The following ZNF385B variants were observed in gnomAD, a reference collection of about 807,000 sequenced individuals.
ZNF385B encodes the protein zinc finger protein 533.
ZNF385B carries 23 observed loss-of-function variants against 39.2 expected under a neutral mutation model. The ratio of observed to expected loss-of-function variants is 0.59; its 90% CI spans 0.42 to 0.83. The LOEUF (loss-of-function observed/expected upper bound fraction) is 0.83. ZNF385B is among the 40% of genes least tolerant of loss of function. The probability of loss-of-function intolerance (pLI) is 0.00; values close to 1 mark genes in which losing one functional copy is unlikely to be tolerated. For synonymous variants in ZNF385B, 205 were observed against 222.6 expected, an observed-to-expected ratio of 0.92 and a Z score of 0.70; for missense variants, 552 against 598.9, an observed-to-expected ratio of 0.92 and a Z score of 0.82.
chr2:179,856,412 C>A (rs1219117859), intron 1 of ZNF385B, among the ~76,000 whole-genome samples: 1 of 151,948 alleles, frequency 6.6e-6, no homozygotes, highest in African/African-American at 2.4e-5. Flanking sequence ...CAGGAAGTAA[C>A]CCACGCCCTT....
At chr2:179,724,173 G>A (rs1700863194) in intron 3 of ZNF385B, among the ~76,000 whole-genome samples, 1 of 152,094 alleles carries the variant, frequency 6.6e-6, no homozygotes, top group Non-Finnish European at 1.5e-5. Flanking sequence ...ACCGGGCATG[G>A]TGGCGGGCGC....
chr2:179,496,125 C>T (rs954335452), intron 5 of ZNF385B, among the ~76,000 whole-genome samples: 1 of 151,974 alleles, frequency 6.6e-6, no homozygotes, highest in Non-Finnish European at 1.5e-5. Flanking sequence ...ATAAATTTAA[C>T]AAAGAGACTG....
chr2:179,679,539 C>T (rs1487358070), intron 3 of ZNF385B, among the ~76,000 whole-genome samples: 1 of 152,156 alleles, frequency 6.6e-6, no homozygotes, highest in Non-Finnish European at 1.5e-5. Context: ...TAATGGTAAT[C>T]ATTCTGAGCT....
chr2:179,518,495 A>G (rs2058249534), intron 5 of ZNF385B, 33 bp downstream of exon 5: 1 of 1,456,760 alleles, frequency 6.9e-7, no homozygotes. Flanking sequence ...AGCTCTGACA[A>G]ACTACAGAGA....
intron 3 of ZNF385B, among the ~76,000 whole-genome samples, chr2:179,682,883 T>C (rs13416735): frequency 0.21 from 31,351 of 152,092 alleles, 3,334 homozygotes; most frequent in Middle Eastern, 0.23. Flanking sequence ...GGGTTCCTGG[T>C]CAGGAAGCAC....
At chr2:179,797,612 T>G (rs1168540426) in intron 1 of ZNF385B, among the ~76,000 whole-genome samples, 1 of 152,226 alleles carries the variant, frequency 6.6e-6, no homozygotes, top group Non-Finnish European at 1.5e-5. Context: ...AATTTATTTG[T>G]GAAAGAAACC....
At chr2:179,475,456 T>G (rs527385284) in intron 6 of ZNF385B, among the ~76,000 whole-genome samples, 66 of 151,958 alleles carry the variant, frequency 4.3e-4, no homozygotes, top group African/African-American at 1.4e-3. Context: ...TTCACCACAT[T>G]GGCCAGGCTG....
intron 3 of ZNF385B, among the ~76,000 whole-genome samples, chr2:179,723,775 T>C (rs572698294): frequency 1.3e-5 from 2 of 152,184 alleles, no homozygotes; most frequent in African/African-American, 2.4e-5. Context: ...TTTTCAAAGC[T>C]ACGTAAGTTT....
chr2:179,713,389 AC>A (rs946622638), intron 3 of ZNF385B, among the ~76,000 whole-genome samples: 3 of 152,066 alleles, frequency 2.0e-5, no homozygotes, highest in Non-Finnish European at 4.4e-5. Flanking sequence ...ACATCATCAC[AC>A]TTTCTCCTTC....
At chr2:179,784,448 A>T (rs538366232) in intron 1 of ZNF385B, among the ~76,000 whole-genome samples, 43 of 152,082 alleles carry the variant, frequency 2.8e-4, no homozygotes, top group African/African-American at 1.0e-3. Context: ...ATACTTTCAC[A>T]TGTACCCTCG....
chr2:179,776,308 AG>A lies in ZNF385B; in HGVS notation c.-154-5637del, dbSNP rs1704312519. 2.6e-5 allele frequency among the ~76,000 whole-genome samples: 4 copies of A among 152,294 alleles called. No homozygotes were observed. The South Asian group carries it at 8.3e-4, about 32-fold the overall frequency. On this transcript the variant is annotated intron_variant, in intron 1 of 9. Transcript: ENST00000410066. ...GAGACTATGACTGTCTCTGGGCCTG[AG>A]GGAACAGGAGGCCTAGGATCTAGAC...
At chr2:179,678,387 C>T (rs1575203485) in intron 3 of ZNF385B, among the ~76,000 whole-genome samples, 2 of 152,274 alleles carry the variant, frequency 1.3e-5, no homozygotes, top group African/African-American at 4.8e-5. Flanking sequence ...GGCAAGTGTG[C>T]CATGTGACAA....
At chr2:179,673,665 G>A (rs17770865) in intron 3 of ZNF385B, among the ~76,000 whole-genome samples, 6,514 of 152,124 alleles carry the variant, frequency 0.043, 205 homozygotes, top group Non-Finnish European at 0.062. Context: ...AGCCCCTTTG[G>A]AAAGCCTACT....
intron 1 of ZNF385B, among the ~76,000 whole-genome samples, chr2:179,777,928 A>G (rs1484987423): frequency 6.6e-6 from 1 of 152,018 alleles, no homozygotes; most frequent in Non-Finnish European, 1.5e-5. Flanking sequence ...ATGTGCCACC[A>G]TGCCCGGCTA....
chr2:179,492,738 A>G (rs1304316546), intron 5 of ZNF385B, among the ~76,000 whole-genome samples: 1 of 152,112 alleles, frequency 6.6e-6, no homozygotes, highest in African/African-American at 2.4e-5. Flanking sequence ...ACCGAAACCA[A>G]TTACTAAAAC....
At chr2:179,461,216 A>G (rs910131837) in intron 6 of ZNF385B, among the ~76,000 whole-genome samples, 3 of 152,184 alleles carry the variant, frequency 2.0e-5, no homozygotes, top group African/African-American at 7.2e-5. Flanking sequence ...TGGATGTAAC[A>G]TAAGTATGTT....
chr2:179,754,018 A>G (rs547845913), intron 3 of ZNF385B, among the ~76,000 whole-genome samples: 146 of 152,312 alleles, frequency 9.6e-4, no homozygotes, highest in African/African-American at 3.4e-3. Flanking sequence ...GCCAGTTTTC[A>G]AAGGGAATGC....
Position 179,502,121 on chromosome 2 carries a change from G to C in ZNF385B, c.552+16407C>G, listed in dbSNP as rs527575817. Among the ~76,000 whole-genome samples, 40 of 152,140 alleles carry C rather than the reference G, an allele frequency of 2.6e-4. 1 individual carries two copies. The highest frequency in any genetic ancestry group is 4.1e-4 in the Non-Finnish European group (28 of 68,018). ...CCAATTTCTCCATTTTGGAATGGCA[G>C]CATTTATCCAATTCCTGTACTTCCA... On this transcript the variant is annotated intron_variant, in intron 5 of 9. Transcript: ENST00000410066.
intron 3 of ZNF385B, among the ~76,000 whole-genome samples, chr2:179,606,771 G>GA (rs2106118836): frequency 6.6e-6 from 1 of 152,276 alleles, no homozygotes; most frequent in Admixed American, 6.5e-5. Context: ...AAATGAAAGA[G>GA]AAAATCTATA....
Sources: gnomAD v4.1 joint callset for allele counts (sites outside exome capture counted in the v4.1 genomes callset) on GRCh38, gnomAD v4.1.1 for gene constraint, MANE v1.5 for transcripts, NCBI Gene and HGNC (gene_info 2026-07-23, HGNC 2026-07-21) for gene names.